Variants in ARHGAP25 observed in about 807,000 individuals in gnomAD.
The protein encoded by ARHGAP25 is rho GTPase-activating protein 25.
ARHGAP25 carries 34 observed loss-of-function variants against 71.0 expected under a neutral mutation model. The observed-to-expected ratio is 0.48, with a 90% CI of 0.36 to 0.64. ARHGAP25 has a LOEUF of 0.64. Among genes scored for constraint, ARHGAP25 ranks in the 30% least tolerant of loss-of-function variants. ARHGAP25 has a pLI of 0.00. For synonymous variants in ARHGAP25, 282 were observed against 296.5 expected, an observed-to-expected ratio of 0.95 and a Z score of 0.50; for missense variants, 706 against 805.1, an observed-to-expected ratio of 0.88 and a Z score of 1.49.
chr2:68,797,682 C>T lies in ARHGAP25; in HGVS notation c.467-9591C>T, dbSNP rs77274791. Among the ~76,000 whole-genome samples the T allele has an allele frequency of 1.8e-3, 277 of 152,294 alleles. 9 individuals are homozygous for T. The East Asian group carries it at 0.039, about 21-fold the overall frequency. Reference sequence around the variant, plus strand: ...TCCCATGCACAGCCTGTAAGAGCTCCGATCCAGAATGTTGTCCCACAGCAG... The same window carrying T: ...TCCCATGCACAGCCTGTAAGAGCTCTGATCCAGAATGTTGTCCCACAGCAG... On this transcript the variant is annotated intron_variant, in intron 4 of 10. Coordinates refer to ENST00000409202, the MANE Select transcript of ARHGAP25 (RefSeq NM_001007231.3).
chr2:68,822,437 G>A lies in ARHGAP25; in HGVS notation c.1298G>A (p.Trp433Ter). ...SKVPREKPGD[W>*]KMQSRKRTQT... The stretch of plus-strand genomic sequence containing the variant: ...GTACCCAGGGAAAAGCCAGGAGACT[G>A]GAAAATGCAATCTCGTAAAAGGACT... The change falls in exon 10 of 11, where the codon TGG becomes TAG. Residue 433 changes from tryptophan to a stop codon, truncating the protein, a stop_gained. Transcript: ENST00000409202. LOFTEE classifies it high-confidence loss of function. 1 of 1,614,142 alleles carries A rather than the reference G, an allele frequency of 6.2e-7. No homozygotes were observed. Among genetic ancestry groups the A allele is most frequent in the Non-Finnish European group, 8.5e-7 (1 of 1,180,020 alleles).
chr2:68,821,787 T>C (rs1422956479), intron 9 of ARHGAP25, among the ~76,000 whole-genome samples: 1 of 152,198 alleles, frequency 6.6e-6, no homozygotes, highest in Non-Finnish European at 1.5e-5. Context: ...AGCTGCCTGA[T>C]CTTGTCCTTT....
chr2:68,736,264 A>G (rs544852184), intron 1 of ARHGAP25, among the ~76,000 whole-genome samples: 1 of 152,378 alleles, frequency 6.6e-6, no homozygotes, highest in Admixed American at 6.5e-5. Context: ...GAAAGAAAAC[A>G]GAGTAATCAG....
At chr2:68,818,459 C>A (rs575232930) in intron 8 of ARHGAP25, among the ~76,000 whole-genome samples, 6 of 152,348 alleles carry the variant, frequency 3.9e-5, no homozygotes, top group African/African-American at 1.4e-4. Flanking sequence ...TCCCAAGTAG[C>A]TGGGACTACA....
At chr2:68,772,259 G>A (rs1677535349) in intron 1 of ARHGAP25, among the ~76,000 whole-genome samples, 1 of 152,200 alleles carries the variant, frequency 6.6e-6, no homozygotes, top group East Asian at 1.9e-4. Flanking sequence ...TGGTCCTAAT[G>A]ATGTCTGTGG....
At chr2:68,795,234 T>A (rs552643277) in intron 4 of ARHGAP25, among the ~76,000 whole-genome samples, 2 of 152,240 alleles carry the variant, frequency 1.3e-5, no homozygotes, top group East Asian at 3.9e-4. Flanking sequence ...ATTTTGTTGA[T>A]CCCTTGTATT....
intron 1 of ARHGAP25, among the ~76,000 whole-genome samples, chr2:68,769,916 C>T (rs560845689): frequency 2.0e-5 from 3 of 152,318 alleles, no homozygotes; most frequent in South Asian, 2.1e-4. Flanking sequence ...AGGACTCCAA[C>T]TCCATGGCAG....
At chr2:68,714,934 C>T (rs1352196298) in intron 2 of ARHGAP25, among the ~76,000 whole-genome samples, 1 of 152,134 alleles carries the variant, frequency 6.6e-6, no homozygotes, top group Non-Finnish European at 1.5e-5. Flanking sequence ...TAAAATGTCT[C>T]ACTTCCCTTC....
chr2:68,711,652 A>G (rs148151342), intron 2 of ARHGAP25, among the ~76,000 whole-genome samples: 3,572 of 151,664 alleles, frequency 0.024, 144 homozygotes, highest in African/African-American at 0.081. Context: ...TATTTCTCCG[A>G]ATGCTATCCC....
At chr2:68,762,521 C>G (rs1415337316) in intron 1 of ARHGAP25, among the ~76,000 whole-genome samples, 2 of 151,852 alleles carry the variant, frequency 1.3e-5, no homozygotes, top group South Asian at 4.1e-4. Flanking sequence ...ATGTGCTAAG[C>G]CAGAGGGATT....
At chr2:68,775,864 A>G (rs1409308492) in intron 2 of ARHGAP25, 2 of 351,130 alleles carry the variant, frequency 5.7e-6, no homozygotes, top group African/African-American at 4.3e-5. Context: ...TCTCTTCCAT[A>G]TGCAGCTTAG....
Position 68,768,001 on chromosome 2 carries a change from G to A in ARHGAP25, c.62-7220G>A, listed in dbSNP as rs572897151. On this transcript the variant is annotated intron_variant, in intron 1 of 10. Coordinates refer to ENST00000409202, the MANE Select transcript of ARHGAP25 (RefSeq NM_001007231.3). ...TTTAACCCTGTGAATTACTAGACAT[G>A]GATTCCATCTCCAATGTGGATGCCT... Among the ~76,000 whole-genome samples, 5 of 152,250 alleles carry A rather than the reference G, an allele frequency of 3.3e-5. No individual in the cohort carries two copies. In the South Asian group the frequency reaches 8.3e-4, roughly 25 times the overall value.
At chr2:68,776,885 A>G (rs539139087) in intron 2 of ARHGAP25, among the ~76,000 whole-genome samples, 43 of 152,190 alleles carry the variant, frequency 2.8e-4, no homozygotes, top group African/African-American at 1.0e-3. Flanking sequence ...CAAAATGAAA[A>G]GCTCATTTTG....
intron 3 of ARHGAP25, among the ~76,000 whole-genome samples, chr2:68,783,249 A>G (rs73933375): frequency 0.043 from 6,484 of 152,284 alleles, 472 homozygotes; most frequent in African/African-American, 0.15. Context: ...AATGGGGACA[A>G]TAATGATAAT....
At chr2:68,728,756 G>A (rs1573383626) in intron 2 of ARHGAP25, among the ~76,000 whole-genome samples, 1 of 151,872 alleles carries the variant, frequency 6.6e-6, no homozygotes, top group East Asian at 1.9e-4. Context: ...GTAAACATAA[G>A]TAAATAAATA....
At chr2:68,818,733 C>T (rs1397171477) in intron 8 of ARHGAP25, among the ~76,000 whole-genome samples, 1 of 152,224 alleles carries the variant, frequency 6.6e-6, no homozygotes, top group Non-Finnish European at 1.5e-5. Context: ...CTGCCATGGG[C>T]ATGGGGGCAG....
At chr2:68,788,233 A>G (rs1439788383) in intron 4 of ARHGAP25, among the ~76,000 whole-genome samples, 1 of 152,174 alleles carries the variant, frequency 6.6e-6, no homozygotes, top group African/African-American at 2.4e-5. Flanking sequence ...AATGTGTATG[A>G]TATCTGGAAG....
chr2:68,740,629 A>G (rs192010435), intron 1 of ARHGAP25, among the ~76,000 whole-genome samples: 4 of 152,310 alleles, frequency 2.6e-5, no homozygotes, highest in Admixed American at 6.5e-5. Flanking sequence ...CTGGAGAGAG[A>G]GTATAAAAAT....
intron 7 of ARHGAP25, among the ~76,000 whole-genome samples, chr2:68,817,110 CT>C (rs201247903): frequency 7.6e-5 from 10 of 131,020 alleles, no homozygotes; most frequent in African/African-American, 1.7e-4. Flanking sequence ...GGATTGTGTC[CT>C]TTTTTTTGGT....
Sources: allele counts gnomAD v4.1 joint callset (sites outside exome capture counted in the v4.1 genomes callset), GRCh38; gene constraint gnomAD v4.1.1; transcripts MANE v1.5; gene names NCBI Gene and HGNC (gene_info 2026-07-23, HGNC 2026-07-21).